The following SORCS1 variants were observed in gnomAD, a reference collection of about 807,000 sequenced individuals.
SORCS1 encodes VPS10 domain-containing receptor SorCS1.
Under a neutral mutation model 146.1 loss-of-function variants are expected in SORCS1, and 60 were observed. The observed-to-expected ratio is 0.41, with a 90% CI of 0.33 to 0.51. The LOEUF is 0.51. SORCS1 is among the 20% of genes least tolerant of loss of function. The pLI, the probability that SORCS1 is intolerant of heterozygous loss-of-function variation, is 0.21. For synonymous variants in SORCS1, 637 were observed against 584.0 expected (o/e 1.09, Z -1.31); for missense variants, 1,352 against 1,487.6 (o/e 0.91, Z 1.50).
At chr10:107,038,277 C>T (rs1311875040) in intron 1 of SORCS1, among the ~76,000 whole-genome samples, 1 of 151,932 alleles carries the variant, frequency 6.6e-6, no homozygotes, top group Non-Finnish European at 1.5e-5. Flanking sequence ...ATTTCTCCTA[C>T]AGCTGTAGAA....
intron 2 of SORCS1, among the ~76,000 whole-genome samples, chr10:106,839,749 G>A (rs1948942151): frequency 6.6e-6 from 1 of 152,194 alleles, no homozygotes; most frequent in South Asian, 2.1e-4. Context: ...CTTGTTGGGG[G>A]CTAATGCAAT....
intron 3 of SORCS1, among the ~76,000 whole-genome samples, chr10:106,777,016 C>T (rs1415805565): frequency 1.3e-5 from 2 of 152,158 alleles, no homozygotes; most frequent in Admixed American, 1.3e-4. Context: ...CCCTTCTTCC[C>T]TTCTTCCTAC....
At chr10:106,973,446 C>T (rs1488417141) in intron 1 of SORCS1, among the ~76,000 whole-genome samples, 2 of 152,156 alleles carry the variant, frequency 1.3e-5, no homozygotes, top group African/African-American at 4.8e-5. Flanking sequence ...CCACTTGTTT[C>T]CTGGCCTTGT....
chr10:106,879,451 G>A (rs1379011838), intron 2 of SORCS1, among the ~76,000 whole-genome samples: 1 of 152,188 alleles, frequency 6.6e-6, no homozygotes, highest in East Asian at 1.9e-4. Context: ...GTAGGTGAGT[G>A]TAAGTAGGCA....
chr10:107,046,144 A>C (rs1959399972), intron 1 of SORCS1, among the ~76,000 whole-genome samples: 1 of 152,076 alleles, frequency 6.6e-6, no homozygotes, highest in Non-Finnish European at 1.5e-5. Flanking sequence ...ACAGGGTTTC[A>C]CCACGTTGGC....
chr10:106,652,980 T>C (rs1473276095), intron 17 of SORCS1, among the ~76,000 whole-genome samples: 2 of 151,860 alleles, frequency 1.3e-5, no homozygotes, highest in African/African-American at 4.8e-5. Context: ...AGAGAAAAAA[T>C]AGATTATGAT....
At position 106,626,834 on chromosome 10, in the gene SORCS1, A is replaced by G. The variant is rs908552529; in HGVS notation, c.2662+2368T>C. ...AGCTTCAAACATGAACTTGCTTTTA[A>G]CACAGTTAGTACCAAAAAGCCAGGC... On this transcript the variant is annotated intron_variant, in intron 19 of 25. Coordinates refer to ENST00000263054, the MANE Select transcript of SORCS1 (RefSeq NM_052918.5). 3.9e-5 allele frequency among the ~76,000 whole-genome samples: 6 copies of G among 152,240 alleles called. No homozygotes were observed. The South Asian group carries it at 1.2e-3, about 31-fold the overall frequency.
chr10:106,934,541 G>A (rs1050482973), intron 2 of SORCS1, among the ~76,000 whole-genome samples: 1 of 152,154 alleles, frequency 6.6e-6, no homozygotes, highest in African/African-American at 2.4e-5. Flanking sequence ...TTACAGGCAT[G>A]AGCCACTGCA....
At chr10:107,044,512 T>TA (rs59253149) in intron 1 of SORCS1, among the ~76,000 whole-genome samples, 20,434 of 73,948 alleles carry the variant, frequency 0.28, 3,624 homozygotes, top group Middle Eastern at 0.42. Context: ...TTCTAATTTG[T>TA]AAAAAAAAAA....
chr10:106,830,226 A>G (rs1397661106), intron 2 of SORCS1, among the ~76,000 whole-genome samples: 2 of 152,156 alleles, frequency 1.3e-5, no homozygotes, highest in Admixed American at 1.3e-4. Context: ...GTGTTAAGCA[A>G]TCCTGAGTCA....
intron 4 of SORCS1, among the ~76,000 whole-genome samples, chr10:106,775,890 C>T (rs944940599): frequency 3.9e-4 from 59 of 152,048 alleles, no homozygotes; most frequent in Non-Finnish European, 4.4e-5. Flanking sequence ...GTATATATGT[C>T]GTATAGAGTA....
Position 106,656,295 on chromosome 10 carries a change from A to C in SORCS1, c.2304-3742T>G, listed in dbSNP as rs139876890. Among the ~76,000 whole-genome samples the C allele has an allele frequency of 2.6e-3, 394 of 152,354 alleles. 2 individuals carry two copies. The highest frequency in any genetic ancestry group is 8.8e-3 in the African/African-American group (368 of 41,584). Reference sequence around the variant, plus strand: ...GCTGGGCATGATGGCTCATGCCTGCAATCCCAGGACTTTGGGAGGCCGAGG... The same window carrying C: ...GCTGGGCATGATGGCTCATGCCTGCCATCCCAGGACTTTGGGAGGCCGAGG... On this transcript the variant is annotated intron_variant, in intron 17 of 25. Transcript: ENST00000263054.
intron 1 of SORCS1, among the ~76,000 whole-genome samples, chr10:107,096,244 G>A (rs1002880638): frequency 6.6e-6 from 1 of 152,310 alleles, no homozygotes; most frequent in Non-Finnish European, 1.5e-5. Flanking sequence ...TAACAAATGA[G>A]GAATAAGACG....
At chr10:106,788,154 A>C (rs111552091) in intron 3 of SORCS1, among the ~76,000 whole-genome samples, 1,655 of 152,226 alleles carry the variant, frequency 0.011, 27 homozygotes, top group African/African-American at 0.037. Context: ...GCTCATGAGA[A>C]CTCACTCACT....
In SORCS1 at chr10:106,625,853, G is replaced by A. The variant is rs187791824; in HGVS notation, c.2662+3349C>T. Among the ~76,000 whole-genome samples, 275 of 151,990 alleles carry A rather than the reference G, an allele frequency of 1.8e-3. 1 individual carries two copies. The highest frequency in any genetic ancestry group is 0.016 in the Admixed American group (237 of 15,250). On this transcript the variant is annotated intron_variant, in intron 19 of 25. Transcript: ENST00000263054. ...ACTGGCTGCGACAAGGCAGCTTTCT[G>A]AGCAGAAATCTGCATGCTCTCTAAA... is the stretch of plus-strand genomic sequence containing the variant.
intron 1 of SORCS1, among the ~76,000 whole-genome samples, chr10:107,076,027 A>G (rs1205137253): frequency 6.6e-6 from 1 of 152,176 alleles, no homozygotes; most frequent in Non-Finnish European, 1.5e-5. Flanking sequence ...GGGAATAGCT[A>G]CTAATTAAGT....
At chr10:107,087,501 C>A (rs1209988260) in intron 1 of SORCS1, among the ~76,000 whole-genome samples, 1 of 152,154 alleles carries the variant, frequency 6.6e-6, no homozygotes, top group South Asian at 2.1e-4. Flanking sequence ...TTTAACCTAA[C>A]GGAATAGTCA....
chr10:106,637,896 T>C (rs1443510422), intron 18 of SORCS1, among the ~76,000 whole-genome samples: 3 of 152,220 alleles, frequency 2.0e-5, no homozygotes, highest in Admixed American at 6.5e-5. Context: ...TAGTACCATG[T>C]ATTTGACTGA....
At chr10:106,607,063 G>A in intron 23 of SORCS1, 103 bp downstream of exon 23, 5 of 1,461,008 alleles carry the variant, frequency 3.4e-6, no homozygotes, top group South Asian at 2.6e-5. Flanking sequence ...TGGTGAAGCT[G>A]TAGTTAGGAT....
Sources: allele counts gnomAD v4.1 joint callset (sites outside exome capture counted in the v4.1 genomes callset), GRCh38; gene constraint gnomAD v4.1.1; transcripts MANE v1.5; gene names NCBI Gene and HGNC (gene_info 2026-07-23, HGNC 2026-07-21).